Variants in SMYD3 observed in about 807,000 individuals in gnomAD.
SMYD3 encodes the protein SET and MYND domain containing 3, also known as histone-lysine N-methyltransferase SMYD3.
Under a neutral mutation model 57.7 loss-of-function variants are expected in SMYD3, and 36 were observed. That is an observed-to-expected ratio of 0.62 (90% confidence interval 0.48 to 0.82). The LOEUF is 0.82. Among genes scored for constraint, SMYD3 ranks in the 40% least tolerant of loss-of-function variants. The pLI, the probability that SMYD3 is intolerant of heterozygous loss-of-function variation, is 0.00. For synonymous variants in SMYD3, 211 were observed against 195.0 expected, an observed-to-expected ratio of 1.08 and a Z score of -0.68; for missense variants, 515 against 538.8, an observed-to-expected ratio of 0.96 and a Z score of 0.44.
At chr1:246,505,113 ATT>A (rs1250873685) in intron 1 of SMYD3, among the ~76,000 whole-genome samples, 2 of 152,166 alleles carry the variant, frequency 1.3e-5, no homozygotes, top group Non-Finnish European at 2.9e-5. Flanking sequence ...ACTAGTAAGT[ATT>A]TGTCAGTCAT....
chr1:246,426,268 T>G (rs1253483069), intron 1 of SMYD3: 2 of 152,260 alleles, frequency 1.3e-5, no homozygotes, highest in East Asian at 3.8e-4. Context: ...TTACATGCCA[T>G]AAAATTCACT....
At chr1:246,424,133 A>G (rs1299754301) in intron 1 of SMYD3, among the ~76,000 whole-genome samples, 1 of 152,202 alleles carries the variant, frequency 6.6e-6, no homozygotes, top group Admixed American at 6.5e-5. Flanking sequence ...AAATGTTGTA[A>G]CAATGTACCG....
intron 8 of SMYD3, among the ~76,000 whole-genome samples, chr1:245,914,853 C>G (rs1467742866): frequency 6.9e-6 from 1 of 145,714 alleles, no homozygotes; most frequent in Non-Finnish European, 1.5e-5. Flanking sequence ...CACTCTGTAT[C>G]CCAAAATATG....
At chr1:245,826,281 T>A (rs1053669416) in intron 10 of SMYD3, among the ~76,000 whole-genome samples, 21 of 152,168 alleles carry the variant, frequency 1.4e-4, no homozygotes, top group African/African-American at 5.1e-4. Context: ...ATAACTGGAA[T>A]CAAATAGTGT....
intron 1 of SMYD3, among the ~76,000 whole-genome samples, chr1:246,362,038 G>A (rs1048296173): frequency 1.9e-4 from 29 of 152,160 alleles, no homozygotes; most frequent in African/African-American, 6.7e-4. Flanking sequence ...GCTGTGGTAC[G>A]CACCCCCAGC....
intron 10 of SMYD3, among the ~76,000 whole-genome samples, chr1:245,815,283 G>T (rs1007057770): frequency 6.6e-6 from 1 of 152,220 alleles, no homozygotes; most frequent in Non-Finnish European, 1.5e-5. Context: ...GCAGAGCCCA[G>T]AAGAGCTGTT....
At chr1:246,448,753 A>C (rs1036574024) in intron 1 of SMYD3, among the ~76,000 whole-genome samples, 2 of 149,062 alleles carry the variant, frequency 1.3e-5, no homozygotes, top group African/African-American at 4.9e-5. Context: ...GGAAATGATT[A>C]GTAACTGTCA....
At chr1:246,083,526 G>A (rs1236092547) in intron 5 of SMYD3, among the ~76,000 whole-genome samples, 4 of 12,532 alleles carry the variant, frequency 3.2e-4, no homozygotes, top group South Asian at 5.0e-3. Context: ...GGTCCCCTGC[G>A]CCCACTTTTC....
chr1:245,936,971 T>C (rs1284103807), intron 5 of SMYD3, among the ~76,000 whole-genome samples: 2 of 152,242 alleles, frequency 1.3e-5, no homozygotes, highest in African/African-American at 4.8e-5. Context: ...GCTATGATTA[T>C]TAAAGATTTT....
At chr1:246,506,987 A>ACGCCCCCCC in intron 1 of SMYD3, 67 bp downstream of exon 1, 1 of 634,738 alleles carries the variant, frequency 1.6e-6, no homozygotes, top group Non-Finnish European at 2.2e-6. Context: ...CGGCCGCCCG[A>ACGCCCCCCC]CGCCCCCCCC....
intron 1 of SMYD3, among the ~76,000 whole-genome samples, chr1:246,436,383 G>C (rs2067373789): frequency 6.6e-6 from 1 of 152,040 alleles, no homozygotes; most frequent in South Asian, 2.1e-4. Context: ...GTTTAAAAGG[G>C]GGGCCTACAA....
At chr1:245,751,572 A>AC (rs1558299099) in intron 11 of SMYD3, among the ~76,000 whole-genome samples, 7 of 103,186 alleles carry the variant, frequency 6.8e-5, no homozygotes, top group Non-Finnish European at 1.1e-4. Flanking sequence ...GACAGAGAGA[A>AC]AGAGAAAGAG....
chr1:246,500,982 AT>A (rs759337120), intron 1 of SMYD3, among the ~76,000 whole-genome samples: 7 of 152,216 alleles, frequency 4.6e-5, no homozygotes, highest in Non-Finnish European at 8.8e-5. Flanking sequence ...AAACCACATT[AT>A]TATCAATTCT....
intron 1 of SMYD3, among the ~76,000 whole-genome samples, chr1:246,392,906 T>C (rs767410231): frequency 1.3e-5 from 2 of 151,146 alleles, no homozygotes; most frequent in Non-Finnish European, 2.9e-5. Context: ...TCATCAATCA[T>C]TATGGAAATA....
chr1:246,506,994 C>CCCCACCCCCCCA, intron 1 of SMYD3, 60 bp downstream of exon 1: 1 of 894,066 alleles, frequency 1.1e-6, no homozygotes, highest in Non-Finnish European at 1.5e-6. Flanking sequence ...CCGACGCCCC[C>CCCCACCCCCCCA]CCCTCCCCAG....
At chr1:245,820,087 A>T (rs1421250857) in intron 10 of SMYD3, among the ~76,000 whole-genome samples, 4 of 140,666 alleles carry the variant, frequency 2.8e-5, no homozygotes, top group Non-Finnish European at 6.2e-5. Flanking sequence ...GCAGAGACAC[A>T]ACCAAAAAAG....
chr1:246,323,578 T>C (rs1345649232), intron 5 of SMYD3, among the ~76,000 whole-genome samples: 2 of 152,152 alleles, frequency 1.3e-5, no homozygotes, highest in Non-Finnish European at 2.9e-5. Flanking sequence ...GCTCTCGGGA[T>C]TAAGAACTTT....
intron 5 of SMYD3, among the ~76,000 whole-genome samples, chr1:246,062,015 G>T (rs924088355): frequency 1.3e-5 from 2 of 152,156 alleles, no homozygotes; most frequent in Non-Finnish European, 2.9e-5. Flanking sequence ...TTAATAAAAT[G>T]ACTTATTTGG....
chr1:246,145,937 G>C (rs2061836303), intron 5 of SMYD3, among the ~76,000 whole-genome samples: 1 of 152,226 alleles, frequency 6.6e-6, no homozygotes, highest in South Asian at 2.1e-4. Flanking sequence ...TTTTATTCCA[G>C]GTCTGTCTGA....
Sources: allele counts gnomAD v4.1 joint callset (sites outside exome capture counted in the v4.1 genomes callset), GRCh38; gene constraint gnomAD v4.1.1; transcripts MANE v1.5; gene names NCBI Gene and HGNC (gene_info 2026-07-23, HGNC 2026-07-21).